The following ADCK1 variants were observed in gnomAD, a reference collection of about 807,000 sequenced individuals.
ADCK1 encodes the protein aarF domain containing kinase 1.
ADCK1 carries 41 observed loss-of-function variants against 52.3 expected under a neutral mutation model. The ratio of observed to expected loss-of-function variants is 0.78; its 90% CI spans 0.61 to 1.02. The LOEUF is 1.02. Ranked by LOEUF, ADCK1 falls within the 50% of genes least tolerant of loss-of-function variation. ADCK1 has a pLI of 0.00. For missense variants in ADCK1, 658 were observed against 679.5 expected (o/e 0.97, Z 0.35); for synonymous variants, 250 against 274.6 (o/e 0.91, Z 0.89).
chr14:77,863,625 T>A (rs2082599324), intron 4 of ADCK1, among the ~76,000 whole-genome samples: 5 of 152,040 alleles, frequency 3.3e-5, no homozygotes, highest in African/African-American at 1.2e-4. Context: ...TCACTTGAGG[T>A]CAAGAGTTCG....
chr14:77,802,885 C>T (rs2081141980), intron 1 of ADCK1, among the ~76,000 whole-genome samples: 1 of 151,986 alleles, frequency 6.6e-6, no homozygotes, highest in South Asian at 2.1e-4. Context: ...ACCCGGGAGG[C>T]GGAGCTTGCA....
chr14:77,813,201 C>A (rs1041890212), intron 1 of ADCK1, among the ~76,000 whole-genome samples: 12 of 151,964 alleles, frequency 7.9e-5, no homozygotes, highest in African/African-American at 2.4e-4. Context: ...TGGGTTTCTC[C>A]GTGTTGGTCA....
At position 77,899,154 on chromosome 14, in the gene ADCK1, G is replaced by A. The variant is rs74358064; in HGVS notation, c.637G>A (p.Val213Met). 6.2e-7 allele frequency: 1 copy of A among 1,614,142 alleles called. No individual in the cohort carries two copies. ...CCCAGAGTTTGAGTTTATGTGGCTT[G>A]TGGATGAAGCCAAGAAGAACCTGCC... ...LFPEFEFMWLVDEAKKNLPLE... is the reference protein window; with the variant it reads ...LFPEFEFMWLMDEAKKNLPLE... Residue 213 changes from valine to methionine, a missense_variant, in exon 6 of 11, where the codon GTG becomes ATG. Coordinates refer to ENST00000238561, the MANE Select transcript of ADCK1 (RefSeq NM_020421.4).
At chr14:77,857,612 TA>T (rs2082447888) in intron 3 of ADCK1, among the ~76,000 whole-genome samples, 1 of 152,198 alleles carries the variant, frequency 6.6e-6, no homozygotes, top group Admixed American at 6.5e-5. Context: ...ATGTGGGAGC[TA>T]AAACAAAAAC....
rs10549011 is a variant in ADCK1, at chr14:77,820,639, C to CGT, written c.135+1555_135+1556dup. On this transcript the variant is annotated intron_variant, in intron 2 of 10. Transcript: ENST00000238561. ...GAGCCATTGTGCCAGGCCAATTTTA[C>CGT]GTGTGTGTGTGTGTGTGTGTGTGTG... Among the ~76,000 whole-genome samples the CGT allele has an allele frequency of 9.9e-3, 1,472 of 148,906 alleles. 15 individuals carry two copies. Among genetic ancestry groups the CGT allele is most frequent in the African/African-American group, 0.029 (1,187 of 40,284 alleles).
At chr14:77,817,395 T>A (rs1388474571) in intron 1 of ADCK1, among the ~76,000 whole-genome samples, 1 of 152,118 alleles carries the variant, frequency 6.6e-6, no homozygotes, top group Non-Finnish European at 1.5e-5. Context: ...GCAAGTGGCT[T>A]GGTGGCGTGC....
intron 3 of ADCK1, among the ~76,000 whole-genome samples, chr14:77,853,589 T>C (rs1333307945): frequency 1.3e-5 from 2 of 152,232 alleles, no homozygotes; most frequent in African/African-American, 4.8e-5. Flanking sequence ...ATGCCATTAC[T>C]GACGCAAGGC....
At chr14:77,863,501 C>A (rs1033672649) in intron 4 of ADCK1, among the ~76,000 whole-genome samples, 2 of 152,074 alleles carry the variant, frequency 1.3e-5, no homozygotes, top group African/African-American at 4.8e-5. Flanking sequence ...TACCTGCCCC[C>A]ATGACATACA....
At chr14:77,914,450 G>A (rs2083869191) in intron 7 of ADCK1, 3 of 985,434 alleles carry the variant, frequency 3.0e-6, no homozygotes, top group Non-Finnish European at 3.6e-6. Flanking sequence ...GCAGCGAAAA[G>A]GTCTCACATT....
At chr14:77,815,917 G>A (rs1379847326) in intron 1 of ADCK1, among the ~76,000 whole-genome samples, 3 of 149,908 alleles carry the variant, frequency 2.0e-5, no homozygotes, top group African/African-American at 7.4e-5. Context: ...CTGGGTTCAA[G>A]TGATTCTCAT....
At chr14:77,819,165 G>A in intron 2 of ADCK1, 52 bp downstream of exon 2, 3 of 1,609,266 alleles carry the variant, frequency 1.9e-6, no homozygotes, top group Non-Finnish European at 8.5e-7. Context: ...TTACTTGCAG[G>A]TGTTCATACA....
At chr14:77,850,487 A>G (rs143279335) in intron 3 of ADCK1, among the ~76,000 whole-genome samples, 1,791 of 152,248 alleles carry the variant, frequency 0.012, 36 homozygotes, top group African/African-American at 0.041. Context: ...TATTGGGTGC[A>G]TAAATGTTTA....
intron 1 of ADCK1, among the ~76,000 whole-genome samples, chr14:77,812,870 AT>A (rs2081363998): frequency 6.6e-6 from 1 of 151,116 alleles, no homozygotes. Context: ...GGTTACAGAT[AT>A]GAGTCACCAT....
At chr14:77,913,853 T>C (rs1339533900) in intron 7 of ADCK1, among the ~76,000 whole-genome samples, 1 of 152,022 alleles carries the variant, frequency 6.6e-6, no homozygotes, top group Non-Finnish European at 1.5e-5. Context: ...AGACGTGGGA[T>C]CCAGGAGGCG....
chr14:77,864,058 C>T (rs536437807), intron 4 of ADCK1, among the ~76,000 whole-genome samples: 1 of 152,184 alleles, frequency 6.6e-6, no homozygotes, highest in South Asian at 2.1e-4. Flanking sequence ...CAGTTTTTCA[C>T]CCCCTGGTCT....
chr14:77,865,628 G>A (rs1369525423), intron 4 of ADCK1, among the ~76,000 whole-genome samples: 2 of 152,218 alleles, frequency 1.3e-5, no homozygotes, highest in African/African-American at 4.8e-5. Flanking sequence ...TTTCACATGT[G>A]TACCCTCGGT....
At chr14:77,886,909 C>T (rs1425905962) in intron 4 of ADCK1, among the ~76,000 whole-genome samples, 182 bp from the exon 5 acceptor site, 1 of 14,382 alleles carries the variant, frequency 7.0e-5, no homozygotes, top group African/African-American at 1.4e-4. Flanking sequence ...TCTGTCTCAA[C>T]ACACACACAC....
intron 3 of ADCK1, among the ~76,000 whole-genome samples, chr14:77,822,753 G>T (rs955408341): frequency 6.6e-6 from 1 of 152,148 alleles, no homozygotes; most frequent in Non-Finnish European, 1.5e-5. Flanking sequence ...GGGGGCATTG[G>T]CCACTGAGGG....
chr14:77,830,172 C>T (rs1032110735), intron 3 of ADCK1, among the ~76,000 whole-genome samples: 1 of 150,622 alleles, frequency 6.6e-6, no homozygotes, highest in Non-Finnish European at 1.5e-5. Flanking sequence ...GGGTCTCGCT[C>T]TGTTGCCCAG....
Sources: allele counts gnomAD v4.1 joint callset (sites outside exome capture counted in the v4.1 genomes callset), GRCh38; gene constraint gnomAD v4.1.1; transcripts MANE v1.5; gene names NCBI Gene and HGNC (gene_info 2026-07-23, HGNC 2026-07-21).